The following ATP8B2 variants were observed in gnomAD, a reference collection of about 807,000 sequenced individuals.
ATP8B2 encodes phospholipid-transporting ATPase ID.
Under a neutral mutation model 133.4 loss-of-function variants are expected in ATP8B2, and 70 were observed. That is an observed-to-expected ratio of 0.52 (90% CI 0.43 to 0.64). The LOEUF is 0.64. Among genes scored for constraint, ATP8B2 ranks in the 30% least tolerant of loss-of-function variants. The probability of loss-of-function intolerance (pLI) is 0.00; values close to 1 mark genes in which losing one functional copy is unlikely to be tolerated. For missense variants in ATP8B2, 1,101 were observed against 1,535.7 expected, an observed-to-expected ratio of 0.72 and a Z score of 4.73; for synonymous variants, 517 against 589.5, an observed-to-expected ratio of 0.88 and a Z score of 1.78.
At chr1:154,329,973 G>A (rs1317398164) in intron 2 of ATP8B2, among the ~76,000 whole-genome samples, 1 of 152,114 alleles carries the variant, frequency 6.6e-6, no homozygotes, top group African/African-American at 2.4e-5. Flanking sequence ...GCAGTACCGC[G>A]ACTAGATCTG....
Position 154,340,911 on chromosome 1 carries a change from C to A in ATP8B2, c.1092C>A (p.Phe364Leu), listed in dbSNP as rs768063706. The A allele has an allele frequency of 5.0e-6, 8 of 1,614,096 alleles. No homozygotes were observed. The African/African-American group carries it at 1.1e-4, about 22-fold the overall frequency. ...TCATCAACTGGGATAAGAAGATGTT[C>A]TGCATGAAGAAGCGGACGCCTGCAG... The part of the protein sequence containing the change: ...SYFINWDKKM[F>L]CMKKRTPAEA... The change falls in exon 13 of 28, where the codon TTC becomes TTA. Residue 364 changes from phenylalanine (F) to leucine (L), a missense_variant. Phe to Leu is a conservative substitution (Grantham distance 22). Coordinates refer to ENST00000368489, the MANE Select transcript of ATP8B2 (RefSeq NM_001370597.1). The surrounding 1 kb of genome is among the most constrained non-coding windows in gnomAD (Gnocchi z 4.0).
Position 154,332,007 on chromosome 1 carries a change from G to A in ATP8B2, c.492G>A (p.Glu164=). The A allele has an allele frequency of 6.2e-7, 1 of 1,614,024 alleles. No individual in the cohort carries two copies. Among genetic ancestry groups the A allele is most frequent in the Non-Finnish European group, 8.5e-7 (1 of 1,179,880 alleles). ...AGCCCCATGGGCTGTGTTACATAGA[G>A]ACAGCAGAACTTGATGGGTAAGTGG... The part of the protein sequence containing the change: ...SSEPHGLCYI[E]TAELDGETNM... The change falls in exon 8 of 28, where the codon GAG becomes GAA. Residue 164 remains glutamate, a synonymous_variant. Coordinates refer to ENST00000368489, the MANE Select transcript of ATP8B2 (RefSeq NM_001370597.1).
chr1:154,328,003 C>A lies in ATP8B2; in HGVS notation c.-37-102C>A. The A allele has an allele frequency of 6.7e-7, 1 of 1,503,108 alleles. No homozygotes were observed. Among genetic ancestry groups the A allele is most frequent in the Non-Finnish European group, 9.3e-7 (1 of 1,079,544 alleles). 93.1% of individuals were successfully genotyped at this position (1,503,108 alleles called of 1,614,324 possible). A position where few individuals can be genotyped will look rare whatever the true frequency, so the allele number is the denominator to read the frequency against. On this transcript the variant is annotated intron_variant, in intron 1 of 27. Coordinates refer to ENST00000368489, the MANE Select transcript of ATP8B2 (RefSeq NM_001370597.1). This position sits in a 1 kb window ranked among gnomAD's most constrained non-coding sequence, Gnocchi z 4.6. ...TGGGAGAAGGAGGCTGGGGGAGGGG[C>A]AGGGTCAGAGCTGGAGAAGAGGGTC...
chr1:154,346,853 T>G lies in ATP8B2; in HGVS notation c.3163+95T>G. ...TAATCTGCACATTCAACATTTCTTA[T>G]GTGCCAAGTATTCTGTTTATTTTAT... On this transcript the variant is annotated intron_variant, in intron 26 of 27. Coordinates refer to ENST00000368489, the MANE Select transcript of ATP8B2 (RefSeq NM_001370597.1). This position sits in a 1 kb window ranked among gnomAD's most constrained non-coding sequence, Gnocchi z 4.5. 1.5e-6 allele frequency: 2 copies of G among 1,369,826 alleles called. No individual in the cohort carries two copies. The highest frequency in any genetic ancestry group is 4.2e-4 in the Middle Eastern group (2 of 4,734). The allele number at this position is 1,369,826 out of a possible 1,614,324, so 84.9% of individuals were successfully genotyped here. A position where few individuals can be genotyped will look rare whatever the true frequency, so the allele number is the denominator to read the frequency against.
intron 11 of ATP8B2, among the ~76,000 whole-genome samples, chr1:154,336,304 G>A (rs887948230): frequency 1.4e-4 from 21 of 152,192 alleles, no homozygotes; most frequent in Admixed American, 3.3e-4. Context: ...GATAATTGGT[G>A]ACAGACTAGA....
chr1:154,345,358 G>A lies in ATP8B2; in HGVS notation c.2507G>A (p.Gly836Glu). 1.2e-6 allele frequency: 2 copies of A among 1,614,134 alleles called. No individual in the cohort carries two copies. Among genetic ancestry groups the A allele is most frequent in the Non-Finnish European group, 1.7e-6 (2 of 1,180,028 alleles). The change falls in exon 23 of 28, where the codon GGG (glycine) becomes GAG (glutamate). Residue 836 changes from glycine to glutamate, a missense_variant. Coordinates refer to ENST00000368489, the MANE Select transcript of ATP8B2 (RefSeq NM_001370597.1). This position sits in a 1 kb window ranked among gnomAD's most constrained non-coding sequence, Gnocchi z 5.6. Reference protein sequence around the residue: ...HIGVGISGQEGIQAVLASDYS... With the variant: ...HIGVGISGQEEIQAVLASDYS... ...GGTGTGGGGATCAGTGGGCAGGAAG[G>A]GATCCAGGCTGTCTTGGCCTCCGAT...
Position 154,349,283 on chromosome 1 carries a change from A to ACCACACATG in ATP8B2, c.*165_*166insCCACACATG. On this transcript the variant is annotated 3_prime_UTR_variant, in exon 28 of 28. Transcript: ENST00000368489. ...ACACATGGCTGGGACATCTGTTCCC[A>ACCACACATG]GCTGTAGGCCCTTCCACCAGCTGGG... is the stretch of plus-strand genomic sequence containing the variant. 2 of 970,628 alleles carry ACCACACATG rather than the reference A, an allele frequency of 2.1e-6. No homozygotes were observed. The highest frequency in any genetic ancestry group is 3.0e-6 in the Non-Finnish European group (2 of 670,468). The allele number at this position is 970,628 out of a possible 1,614,324, so 60.1% of individuals were successfully genotyped here. A position where few individuals can be genotyped will look rare whatever the true frequency, so the allele number is the denominator to read the frequency against.
At position 154,330,780 on chromosome 1, in the gene ATP8B2, G is replaced by A. The variant is rs373800163; in HGVS notation, c.91-35G>A. The stretch of plus-strand genomic sequence containing the variant: ...TCAGTCTGGTTCTGGGTTGGGACTG[G>A]AGACTGCTCATTATCTTCTCTCCTA... On this transcript the variant is annotated intron_variant, in intron 3 of 27. Coordinates refer to ENST00000368489, the MANE Select transcript of ATP8B2 (RefSeq NM_001370597.1). 7.4e-5 allele frequency: 116 copies of A among 1,573,528 alleles called. 2 individuals are homozygous for A. The African/African-American group carries it at 1.3e-3, about 17-fold the overall frequency.
rs544882084 is a variant in ATP8B2 at position 154,348,469 on chromosome 1, C to T, written c.3225C>T (p.Val1075=). The T allele has an allele frequency of 3.7e-5, 60 of 1,614,134 alleles. No individual in the cohort carries two copies. Among genetic ancestry groups the T allele is most frequent in the Middle Eastern group, 1.6e-4 (1 of 6,062 alleles). The part of the protein sequence containing the change: ...TVWLTIVLTT[V]VCIMPVVAFR... ...GGCTGACCATTGTGCTCACCACAGT[C>T]GTCTGCATCATGCCCGTGGTTGCCT... The change falls in exon 27 of 28, where the codon GTC becomes GTT. Residue 1075 remains valine, a synonymous_variant. Coordinates refer to ENST00000368489, the MANE Select transcript of ATP8B2 (RefSeq NM_001370597.1).
chr1:154,348,471 TCTG>T lies in ATP8B2; in HGVS notation c.3229_3231del (p.Cys1077del). On this transcript the variant is annotated inframe_deletion, in exon 27 of 28. Transcript: ENST00000368489. ...CTGACCATTGTGCTCACCACAGTCG[TCTG>T]CATCATGCCCGTGGTTGCCTTCCGA... The T allele has an allele frequency of 6.2e-7, 1 of 1,614,098 alleles. No individual in the cohort carries two copies. Among genetic ancestry groups the T allele is most frequent in the Non-Finnish European group, 8.5e-7 (1 of 1,179,992 alleles).
intron 1 of ATP8B2, among the ~76,000 whole-genome samples, chr1:154,325,919 G>A (rs535599864): frequency 1.3e-5 from 2 of 152,274 alleles, no homozygotes; most frequent in South Asian, 4.1e-4. Context: ...GGGCAGAGCG[G>A]GGGTCTGCGT....
chr1:154,343,845 A>G lies in ATP8B2; in HGVS notation c.1759-48A>G, dbSNP rs962574501. ...ATTCATTGTCGCCCTCACGCTGTCC[A>G]TTAGCTCTCCAGACTTACCCAGGTG... On this transcript the variant is annotated intron_variant, in intron 17 of 27. Coordinates refer to ENST00000368489, the MANE Select transcript of ATP8B2 (RefSeq NM_001370597.1). This position sits in a 1 kb window ranked among gnomAD's most constrained non-coding sequence, Gnocchi z 5.8. 4 of 1,563,648 alleles carry G rather than the reference A, an allele frequency of 2.6e-6. No individual in the cohort carries two copies. The highest frequency in any genetic ancestry group is 2.3e-4 in the Middle Eastern group (1 of 4,404).
chr1:154,346,809 G>A lies in ATP8B2; in HGVS notation c.3163+51G>A. ...CGGTGAGGAATCACAGCTGTTCTGGGACTAACAGGACCATCAGCTAATCTG... is the reference window on the plus strand; with the variant it reads ...CGGTGAGGAATCACAGCTGTTCTGGAACTAACAGGACCATCAGCTAATCTG... On this transcript the variant is annotated intron_variant, in intron 26 of 27. Coordinates refer to ENST00000368489, the MANE Select transcript of ATP8B2 (RefSeq NM_001370597.1). This position sits in a 1 kb window ranked among gnomAD's most constrained non-coding sequence, Gnocchi z 4.5. The A allele has an allele frequency of 6.3e-7, 1 of 1,588,248 alleles. No individual in the cohort carries two copies. Among genetic ancestry groups the A allele is most frequent in the East Asian group, 2.2e-5 (1 of 44,568 alleles).
At chr1:154,333,394 C>T (rs553901985) in intron 9 of ATP8B2, among the ~76,000 whole-genome samples, 6 of 150,708 alleles carry the variant, frequency 4.0e-5, no homozygotes, top group Admixed American at 4.0e-4. Context: ...GTCCCAGCTA[C>T]TTGAGAGGCT....
chr1:154,332,099 C>G, intron 8 of ATP8B2, 75 bp downstream of exon 8: 3 of 1,484,440 alleles, frequency 2.0e-6, no homozygotes, highest in Non-Finnish European at 2.8e-6. Context: ...GAATGAGGTT[C>G]TCAGGCCTGG....
In ATP8B2 at chr1:154,351,156, C is replaced by A. The variant is rs562463670; in HGVS notation, c.*2038C>A. On this transcript the variant is annotated 3_prime_UTR_variant, in exon 28 of 28. Transcript: ENST00000368489. ...TATATATTATTTTTTGGTTCTCTCT[C>A]GTTTTTTAGGGAGGGAAGAAAGTAC... 4 of 150,086 alleles carry A rather than the reference C, an allele frequency of 2.7e-5. No individual in the cohort carries two copies. In the South Asian group the frequency reaches 6.3e-4, roughly 23 times the overall value. The allele number at this position is 150,086 out of a possible 1,614,324, so 9.3% of individuals were successfully genotyped here. A position where few individuals can be genotyped will look rare whatever the true frequency, so the allele number is the denominator to read the frequency against.
At chr1:154,348,741 T>A in intron 27 of ATP8B2, 99 bp from the exon 28 acceptor site, 1 of 1,421,276 alleles carries the variant, frequency 7.0e-7, no homozygotes. Context: ...GTCGGAGGCC[T>A]CTGTGTCAGC....
intron 11 of ATP8B2, among the ~76,000 whole-genome samples, chr1:154,336,473 AAT>A (rs1293030474): frequency 7.4e-5 from 10 of 134,938 alleles, no homozygotes; most frequent in African/African-American, 1.3e-4. Flanking sequence ...TGCAAAAAAA[AAT>A]CTCATAAATT....
rs35339531 is a variant in ATP8B2, at chr1:154,334,162, C to T, written c.645C>T (p.Leu215=). The T allele has an allele frequency of 6.2e-7, 1 of 1,614,200 alleles. No homozygotes were observed. ...NNKLDKFSGT[L]YWKENKFPLS... The stretch of plus-strand genomic sequence containing the variant: ...AACTGGACAAATTCAGCGGAACCCT[C>T]TACTGGAAGGAAAATAAGTTCCCTC... The change falls in exon 10 of 28, where the codon CTC becomes CTT. Residue 215 remains leucine, a synonymous_variant. Coordinates refer to ENST00000368489, the MANE Select transcript of ATP8B2 (RefSeq NM_001370597.1). This position sits in a 1 kb window ranked among gnomAD's most constrained non-coding sequence, Gnocchi z 4.6.
Sources: allele counts gnomAD v4.1 joint callset (sites outside exome capture counted in the v4.1 genomes callset), GRCh38; gene constraint gnomAD v4.1.1; non-coding constraint Gnocchi (gnomAD v3.1); transcripts MANE v1.5; gene names NCBI Gene and HGNC (gene_info 2026-07-23, HGNC 2026-07-21).